The following SCHIP1 variants were observed in gnomAD, a reference collection of about 807,000 sequenced individuals.
SCHIP1 encodes schwannomin-interacting protein 1.
In SCHIP1, 8 loss-of-function variants were observed where a neutral mutation model predicts 29.7. The ratio of observed to expected loss-of-function variants is 0.27; its 90% CI spans 0.16 to 0.49. SCHIP1 has a LOEUF of 0.49. Among genes scored for constraint, SCHIP1 ranks in the 20% least tolerant of loss-of-function variants. The pLI is 0.99. For synonymous variants in SCHIP1, 76 were observed against 94.9 expected (o/e 0.80, Z 1.16); for missense variants, 193 against 294.6 (o/e 0.66, Z 2.52).
At chr3:159,882,205 A>G (rs560055193) in intron 2 of SCHIP1, among the ~76,000 whole-genome samples, 3 of 152,214 alleles carry the variant, frequency 2.0e-5, no homozygotes, top group Non-Finnish European at 4.4e-5. Context: ...GTGGCAAGTC[A>G]TTTGACTTCT....
the SCHIP1 span, among the ~76,000 whole-genome samples, chr3:159,749,865 G>A: frequency 1.7e-3 from 266 of 152,232 alleles, no homozygotes; most frequent in African/African-American, 6.2e-3. Flanking sequence ...TAATAAAGTG[G>A]AAAGGTCTTA....
At chr3:159,353,945 TATTTA>T in the SCHIP1 span, among the ~76,000 whole-genome samples, 1 of 152,208 alleles carries the variant, frequency 6.6e-6, no homozygotes, top group African/African-American at 2.4e-5. Flanking sequence ...CTACTTCATT[TATTTA>T]ATTTAGGATA....
chr3:159,398,199 A>G, the SCHIP1 span, among the ~76,000 whole-genome samples: 2 of 152,090 alleles, frequency 1.3e-5, no homozygotes, highest in Non-Finnish European at 2.9e-5. Context: ...CACGGTGCGC[A>G]CACCCACTGA....
chr3:159,475,028 C>T, the SCHIP1 span, among the ~76,000 whole-genome samples: 1 of 152,104 alleles, frequency 6.6e-6, no homozygotes, highest in Non-Finnish European at 1.5e-5. Flanking sequence ...CTGTGGCAAG[C>T]AGTGGCAGTT....
chr3:159,704,738 T>C, the SCHIP1 span, among the ~76,000 whole-genome samples: 1 of 152,180 alleles, frequency 6.6e-6, no homozygotes, highest in Non-Finnish European at 1.5e-5. Flanking sequence ...GATTATGTTA[T>C]TGAGGCCAAA....
At chr3:159,798,754 T>C in the SCHIP1 span, among the ~76,000 whole-genome samples, 130 of 151,684 alleles carry the variant, frequency 8.6e-4, no homozygotes, top group Middle Eastern at 3.4e-3. Context: ...TGAGACTCTG[T>C]CTCAAAAAAC....
the SCHIP1 span, among the ~76,000 whole-genome samples, chr3:159,536,079 A>G: frequency 1.3e-5 from 2 of 152,214 alleles, no homozygotes; most frequent in African/African-American, 2.4e-5. Context: ...CAATTGCTCA[A>G]TAGTCACATG....
the SCHIP1 span, among the ~76,000 whole-genome samples, chr3:159,422,180 G>A: frequency 1.2e-4 from 19 of 152,138 alleles, no homozygotes; most frequent in African/African-American, 4.6e-4. Context: ...AATATGCTAA[G>A]CAGAAGTCTG....
the SCHIP1 span, among the ~76,000 whole-genome samples, chr3:159,773,306 G>C: frequency 9.2e-5 from 14 of 152,098 alleles, no homozygotes. Context: ...TCAATAGAAG[G>C]GTAATAGGAT....
the SCHIP1 span, chr3:159,274,875 A>T: frequency 1.6e-6 from 1 of 625,272 alleles, no homozygotes; most frequent in Non-Finnish European, 2.0e-6. Context: ...TATAAAATTT[A>T]TTTCCTTTAG....
the SCHIP1 span, among the ~76,000 whole-genome samples, chr3:159,620,809 G>A: frequency 6.6e-6 from 1 of 152,272 alleles, no homozygotes; most frequent in African/African-American, 2.4e-5. Flanking sequence ...GAACCATGGA[G>A]GATCATGAGC....
At chr3:159,390,624 A>T in the SCHIP1 span, among the ~76,000 whole-genome samples, 1 of 152,178 alleles carries the variant, frequency 6.6e-6, no homozygotes, top group Non-Finnish European at 1.5e-5. Flanking sequence ...AATAGCCCTT[A>T]AAATATTTTT....
chr3:159,769,039 G>A, the SCHIP1 span, among the ~76,000 whole-genome samples: 1 of 152,196 alleles, frequency 6.6e-6, no homozygotes, highest in Non-Finnish European at 1.5e-5. Flanking sequence ...GTAAAGAAAG[G>A]TTCTGGGGTT....
chr3:159,313,154 A>C, the SCHIP1 span, among the ~76,000 whole-genome samples: 2 of 152,222 alleles, frequency 1.3e-5, no homozygotes, highest in African/African-American at 4.8e-5. Flanking sequence ...AGTTAACAAC[A>C]AAAAGCTTCT....
At chr3:159,297,558 C>T in the SCHIP1 span, among the ~76,000 whole-genome samples, 1 of 152,052 alleles carries the variant, frequency 6.6e-6, no homozygotes, top group Admixed American at 6.6e-5. Flanking sequence ...CCTAGCTCTT[C>T]TAATGTGCTG....
At chr3:159,274,897 A>G in the SCHIP1 span, 1 of 758,378 alleles carries the variant, frequency 1.3e-6, no homozygotes, top group Non-Finnish European at 1.6e-6. Flanking sequence ...AGTTTTCTTC[A>G]TATTTAAAAA....
At chr3:159,725,929 A>G in the SCHIP1 span, among the ~76,000 whole-genome samples, 1 of 152,222 alleles carries the variant, frequency 6.6e-6, no homozygotes. Flanking sequence ...CAAAGGGAAA[A>G]AGAAATGATG....
the SCHIP1 span, among the ~76,000 whole-genome samples, chr3:159,626,160 ATC>A: frequency 7.1e-4 from 83 of 116,098 alleles, 1 homozygote; most frequent in African/African-American, 4.9e-3. Context: ...ATATATATAT[ATC>A]TAGATATATC....
chr3:159,455,862 T>C, the SCHIP1 span, among the ~76,000 whole-genome samples: 9 of 151,938 alleles, frequency 5.9e-5, no homozygotes, highest in African/African-American at 2.2e-4. Context: ...GGCTGGTGAG[T>C]AGTAAGTAGG....
Sources: gnomAD v4.1 joint callset for allele counts (sites outside exome capture counted in the v4.1 genomes callset) on GRCh38, gnomAD v4.1.1 for gene constraint, MANE v1.5 for transcripts, NCBI Gene and HGNC (gene_info 2026-07-23, HGNC 2026-07-21) for gene names.